Variants in COL14A1 observed in about 807,000 individuals in gnomAD.
COL14A1 encodes the protein collagen alpha-1(XIV) chain.
Under a neutral mutation model 230.3 loss-of-function variants are expected in COL14A1, and 136 were observed. The ratio of observed to expected loss-of-function variants is 0.59; its 90% CI spans 0.51 to 0.68. The LOEUF is 0.68. Ranked by LOEUF, COL14A1 falls within the 30% of genes least tolerant of loss-of-function variation. The pLI, the probability that COL14A1 is intolerant of heterozygous loss-of-function variation, is 0.00. For missense variants in COL14A1, 1,976 were observed against 2,215.8 expected, an observed-to-expected ratio of 0.89 and a Z score of 2.17; for synonymous variants, 792 against 784.1, an observed-to-expected ratio of 1.01 and a Z score of -0.17.
intron 5 of COL14A1, among the ~76,000 whole-genome samples, chr8:120,170,746 G>T (rs1816070290): frequency 6.6e-6 from 1 of 151,728 alleles, no homozygotes; most frequent in South Asian, 2.1e-4. Flanking sequence ...ATTTTGTAAT[G>T]ATTCTTTTTA....
chr8:120,266,681 C>T (rs907327576), intron 24 of COL14A1, 146 bp from the exon 25 acceptor site: 19 of 668,744 alleles, frequency 2.8e-5, no homozygotes, highest in East Asian at 1.1e-4. Flanking sequence ...TCACAGGCTG[C>T]GGCTGATTTA....
rs958890467 is a variant in COL14A1, at chr8:120,274,039, C to T, written c.3213+3865C>T. Among the ~76,000 whole-genome samples the T allele has an allele frequency of 5.3e-5, 8 of 151,772 alleles. 1 individual carries two copies. The highest frequency in any genetic ancestry group is 1.9e-4 in the African/African-American group (8 of 41,388). ...GAGGACATAATGAAAAAGAAAATTACATGCCAACATCCCTTGTGAACATAG... is the reference window on the plus strand; with the variant it reads ...GAGGACATAATGAAAAAGAAAATTATATGCCAACATCCCTTGTGAACATAG... On this transcript the variant is annotated intron_variant, in intron 26 of 47. Coordinates refer to ENST00000297848, the MANE Select transcript of COL14A1 (RefSeq NM_021110.4).
At chr8:120,367,129 T>A in intron 45 of COL14A1, 42 bp from the exon 46 acceptor site, 1 of 1,487,582 alleles carries the variant, frequency 6.7e-7, no homozygotes, top group Non-Finnish European at 9.0e-7. Flanking sequence ...AGATTTTCTT[T>A]TAAAAAGAAC....
chr8:120,225,265 ATAGAAAC>A, intron 15 of COL14A1, 51 bp downstream of exon 15: 1 of 1,549,334 alleles, frequency 6.5e-7, no homozygotes, highest in Non-Finnish European at 8.7e-7. Flanking sequence ...CTATTAATAT[ATAGAAAC>A]CAGAACCTGG....
chr8:120,260,486 G>A (rs193204959), intron 23 of COL14A1, among the ~76,000 whole-genome samples: 151 of 152,164 alleles, frequency 9.9e-4, no homozygotes, highest in African/African-American at 3.4e-3. Context: ...TTTTGAAGGA[G>A]CGGATAGTTC....
At chr8:120,161,471 A>C (rs1170494055) in intron 3 of COL14A1, among the ~76,000 whole-genome samples, 1 of 152,212 alleles carries the variant, frequency 6.6e-6, no homozygotes, top group East Asian at 1.9e-4. Context: ...TGGGATTTTG[A>C]AATCTTTTCA....
intron 2 of COL14A1, among the ~76,000 whole-genome samples, chr8:120,151,899 G>C (rs1190383793): frequency 1.3e-5 from 2 of 152,058 alleles, no homozygotes; most frequent in African/African-American, 4.8e-5. Context: ...GCGGCCAGGT[G>C]AGAAAAACTT....
intron 29 of COL14A1, 122 bp downstream of exon 29, chr8:120,280,221 A>G (rs1586827932): frequency 2.7e-6 from 3 of 1,127,256 alleles, no homozygotes; most frequent in Admixed American, 4.4e-5. Context: ...ACTGCTTGTT[A>G]TATAGACATT....
intron 23 of COL14A1, among the ~76,000 whole-genome samples, chr8:120,261,323 A>G (rs377000215): frequency 1.1e-4 from 17 of 152,314 alleles, no homozygotes; most frequent in African/African-American, 3.8e-4. Context: ...TTCTCTTTAA[A>G]TTGGGAATAA....
intron 26 of COL14A1, 97 bp downstream of exon 26, chr8:120,270,271 G>A: frequency 8.1e-7 from 1 of 1,230,136 alleles, no homozygotes; most frequent in African/African-American, 1.5e-5. Context: ...GTCAAGAACT[G>A]TAATGATTGG....
chr8:120,274,797 T>C (rs1031909376), intron 26 of COL14A1, among the ~76,000 whole-genome samples: 2 of 151,756 alleles, frequency 1.3e-5, no homozygotes, highest in Admixed American at 6.6e-5. Flanking sequence ...ACTAAAGAGA[T>C]GGAAATTCTC....
intron 45 of COL14A1, among the ~76,000 whole-genome samples, chr8:120,348,200 T>C (rs1822591866): frequency 6.7e-6 from 1 of 148,252 alleles, no homozygotes; most frequent in African/African-American, 2.5e-5. Flanking sequence ...ATATAAAGCA[T>C]ATATATATGT....
intron 1 of COL14A1, among the ~76,000 whole-genome samples, chr8:120,132,802 A>G (rs1434858965): frequency 6.6e-6 from 1 of 152,246 alleles, no homozygotes; most frequent in Non-Finnish European, 1.5e-5. Context: ...TGAATAAAAC[A>G]TTAGACACAA....
At chr8:120,156,304 G>C (rs564283444) in intron 2 of COL14A1, among the ~76,000 whole-genome samples, 15 of 152,142 alleles carry the variant, frequency 9.9e-5, no homozygotes, top group Middle Eastern at 3.4e-3. Flanking sequence ...TGAGTAGCTG[G>C]GACTACAGGC....
chr8:120,135,101 T>C (rs897167948), intron 1 of COL14A1, among the ~76,000 whole-genome samples: 2 of 152,222 alleles, frequency 1.3e-5, no homozygotes, highest in African/African-American at 4.8e-5. Context: ...AGTCATACTT[T>C]TAGCCATGGT....
chr8:120,254,821 CAAA>C (rs59681431), intron 22 of COL14A1, among the ~76,000 whole-genome samples: 123 of 93,654 alleles, frequency 1.3e-3, no homozygotes, highest in African/African-American at 4.8e-3. Flanking sequence ...ACTGCCTCTA[CAAA>C]AAAAAAAAAA....
intron 31 of COL14A1, among the ~76,000 whole-genome samples, chr8:120,282,461 C>A (rs1217979093): frequency 1.3e-5 from 2 of 152,112 alleles, no homozygotes; most frequent in Non-Finnish European, 2.9e-5. Context: ...GGACCTTTGT[C>A]AGTTTATTTG....
intron 17 of COL14A1, 90 bp downstream of exon 17, chr8:120,227,442 G>T: frequency 6.7e-7 from 1 of 1,491,848 alleles, no homozygotes; most frequent in Non-Finnish European, 9.1e-7. Context: ...CTTTATCTTT[G>T]GCTATGTAAG....
intron 15 of COL14A1, among the ~76,000 whole-genome samples, chr8:120,226,229 A>G (rs1818088872): frequency 6.6e-6 from 1 of 152,082 alleles, no homozygotes; most frequent in Non-Finnish European, 1.5e-5. Context: ...TTAGCCACTA[A>G]AGCAAATAGA....
Sources: gnomAD v4.1 joint callset for allele counts (sites outside exome capture counted in the v4.1 genomes callset) on GRCh38, gnomAD v4.1.1 for gene constraint, MANE v1.5 for transcripts, NCBI Gene and HGNC (gene_info 2026-07-23, HGNC 2026-07-21) for gene names.